Variants in TBX4 observed in about 807,000 individuals in gnomAD.
The protein encoded by TBX4 is T-box transcription factor TBX4.
In TBX4, 13 loss-of-function variants were observed where a neutral mutation model predicts 54.6. The ratio of observed to expected loss-of-function variants is 0.24; its 90% CI spans 0.15 to 0.38. The LOEUF (loss-of-function observed/expected upper bound fraction) is 0.38. Ranked by LOEUF, TBX4 falls within the 10% of genes least tolerant of loss-of-function variation. TBX4 has a pLI of 1.00. For missense variants in TBX4, 631 were observed against 728.5 expected (o/e 0.87, Z 1.54); for synonymous variants, 314 against 306.7 (o/e 1.02, Z -0.25).
chr17:61,484,379 A>G lies in TBX4; in HGVS notation c.*863A>G, dbSNP rs3744435. 0.19 allele frequency: 28,200 copies of G among 151,932 alleles called. 2,832 individuals are homozygous for G. The highest frequency in any genetic ancestry group is 0.25 in the Middle Eastern group (73 of 294). The allele number at this position is 151,932 out of a possible 1,614,324, so 9.4% of individuals were successfully genotyped here. On this transcript the variant is annotated 3_prime_UTR_variant, in exon 9 of 9. Coordinates refer to ENST00000644296, the MANE Select transcript of TBX4 (RefSeq NM_001321120.2). The surrounding 1 kb of genome is among the most constrained non-coding windows in gnomAD (Gnocchi z 4.1). ...GAGTCAGCCTCCCAGGCACCATACC[A>G]TCTGCATCCTATGATGATGGGCAAT...
rs1043118016 is a variant in TBX4, at chr17:61,479,297, C to T, written c.702+518C>T. On this transcript the variant is annotated intron_variant, in intron 6 of 8. Transcript: ENST00000644296. This position sits in a 1 kb window ranked among gnomAD's most constrained non-coding sequence, Gnocchi z 6.1. Reference sequence around the variant, plus strand: ...CCAGCCCGGCCACCCCCACTGCATCCCAGTCACTGACAGCCGTGCTCTGCC... The same window carrying T: ...CCAGCCCGGCCACCCCCACTGCATCTCAGTCACTGACAGCCGTGCTCTGCC... Among the ~76,000 whole-genome samples the T allele has an allele frequency of 2.6e-5, 4 of 152,158 alleles. No individual in the cohort carries two copies. Among genetic ancestry groups the T allele is most frequent in the Admixed American group, 2.0e-4 (3 of 15,290 alleles).
rs2060673694 is a variant in TBX4 at position 61,482,802 on chromosome 17, G to C, written c.1022-95G>C. ...TGGCAACATGGGGAGGGCGGGCGCA[G>C]AGGGACAAGGACAGGCTGTCCCAGC... On this transcript the variant is annotated intron_variant, in intron 8 of 8. Coordinates refer to ENST00000644296, the MANE Select transcript of TBX4 (RefSeq NM_001321120.2). 3 of 1,568,726 alleles carry C rather than the reference G, an allele frequency of 1.9e-6. No individual in the cohort carries two copies. In the Admixed American group the frequency reaches 5.2e-5, roughly 27 times the overall value.
rs540936006 is a variant in TBX4 at position 61,480,400 on chromosome 17, C to T, written c.1021+81C>T. ...CCCGAAACCACTCTGCAGCGCCCCC[C>T]CCCCCAACACACACACACTCATCTC... On this transcript the variant is annotated intron_variant, in intron 8 of 8. Coordinates refer to ENST00000644296, the MANE Select transcript of TBX4 (RefSeq NM_001321120.2). This position sits in a 1 kb window ranked among gnomAD's most constrained non-coding sequence, Gnocchi z 6.2. The T allele has an allele frequency of 7.1e-6, 8 of 1,132,038 alleles. No homozygotes were observed. The highest frequency in any genetic ancestry group is 1.3e-5 in the South Asian group (1 of 75,354). The allele number at this position is 1,132,038 out of a possible 1,614,324, so 70.1% of individuals were successfully genotyped here.
chr17:61,467,385 C>A, intron 4 of TBX4, 125 bp from the exon 5 acceptor site: 1 of 1,088,866 alleles, frequency 9.2e-7, no homozygotes, highest in Non-Finnish European at 1.4e-6. Flanking sequence ...ACTAATTTGA[C>A]AATGTGGTGG....
In TBX4 at chr17:61,483,106, C is replaced by T. The variant is rs778744732; in HGVS notation, c.1231C>T (p.Leu411=). The T allele has an allele frequency of 6.2e-6, 10 of 1,614,138 alleles. No homozygotes were observed. In the South Asian group the frequency reaches 9.9e-5, roughly 16 times the overall value. The change falls in exon 9 of 9, where the codon CTG becomes TTG. Residue 411 remains leucine, a synonymous_variant. Transcript: ENST00000644296. The surrounding 1 kb of genome is among the most constrained non-coding windows in gnomAD (Gnocchi z 6.6). ...EIAGVSGVDD[L]PPPPLSCNMW... The stretch of plus-strand genomic sequence containing the variant: ...TGCCGGGGTGTCTGGGGTGGACGAC[C>T]TGCCCCCACCTCCGCTGAGCTGTAA...
Position 61,465,759 on chromosome 17 carries a change from C to T in TBX4, c.282-60C>T, listed in dbSNP as rs1488129196. 1 of 1,609,924 alleles carries T rather than the reference C, an allele frequency of 6.2e-7. No individual in the cohort carries two copies. ...GCGGCCTTCTGCCCCCTTGCTCACTCTGTTCCATCTCTCCTGGTGCTCTGT... is the reference window on the plus strand; with the variant it reads ...GCGGCCTTCTGCCCCCTTGCTCACTTTGTTCCATCTCTCCTGGTGCTCTGT... On this transcript the variant is annotated intron_variant, in intron 3 of 8. Transcript: ENST00000644296. This position sits in a 1 kb window ranked among gnomAD's most constrained non-coding sequence, Gnocchi z 4.9.
chr17:61,456,600 C>T lies in TBX4; in HGVS notation c.110C>T (p.Pro37Leu), dbSNP rs886053187. 4 of 1,503,532 alleles carry T rather than the reference C, an allele frequency of 2.7e-6. No homozygotes were observed. In the East Asian group the frequency reaches 7.9e-5, roughly 30 times the overall value. 93.1% of individuals were successfully genotyped at this position (1,503,532 alleles called of 1,614,324 possible). ...GCCCCCGAGCCCGCGCTGGCAGCGC[C>T]GGGCCTCAGCGGAGCCGCGCTAGGC... ...ANAPEPALAA[P>L]GLSGAALGSP... The change falls in exon 2 of 9, where the codon CCG (proline) becomes CTG (leucine). Residue 37 changes from proline (P) to leucine (L), a missense_variant. Pro to Leu is a moderately conservative substitution (Grantham distance 98). Coordinates refer to ENST00000644296, the MANE Select transcript of TBX4 (RefSeq NM_001321120.2).
At position 61,484,081 on chromosome 17, in the gene TBX4, C is replaced by A. The variant is rs2060686759; in HGVS notation, c.*565C>A. Reference sequence around the variant, plus strand: ...GAGACTGCCTGAGAGGTGGGCTCAGCTAAGCCACAATGTGTACTTTGATAG... The same window carrying A: ...GAGACTGCCTGAGAGGTGGGCTCAGATAAGCCACAATGTGTACTTTGATAG... On this transcript the variant is annotated 3_prime_UTR_variant, in exon 9 of 9. Transcript: ENST00000644296. The surrounding 1 kb of genome is among the most constrained non-coding windows in gnomAD (Gnocchi z 4.1). The A allele has an allele frequency of 6.2e-6, 1 of 160,636 alleles. No homozygotes were observed. Among genetic ancestry groups the A allele is most frequent in the African/African-American group, 2.4e-5 (1 of 41,528 alleles). The allele number at this position is 160,636 out of a possible 1,614,324, so 10.0% of individuals were successfully genotyped here.
At position 61,478,839 on chromosome 17, in the gene TBX4, A is replaced by G; in HGVS notation, c.702+60A>G. ...TTAACACCACCCTGCGTTCTCTTCC[A>G]CCAGGCAGAGAGGCAGAGTGTGAAG... On this transcript the variant is annotated intron_variant, in intron 6 of 8. Coordinates refer to ENST00000644296, the MANE Select transcript of TBX4 (RefSeq NM_001321120.2). The surrounding 1 kb of genome is among the most constrained non-coding windows in gnomAD (Gnocchi z 7.4). 1 of 1,611,226 alleles carries G rather than the reference A, an allele frequency of 6.2e-7. No individual in the cohort carries two copies. Among genetic ancestry groups the G allele is most frequent in the Non-Finnish European group, 8.5e-7 (1 of 1,177,530 alleles).
intron 4 of TBX4, among the ~76,000 whole-genome samples, chr17:61,466,658 G>A (rs1246777074): frequency 6.6e-6 from 1 of 152,208 alleles, no homozygotes; most frequent in South Asian, 2.1e-4. Flanking sequence ...AGATTGGGCC[G>A]AGCAGGCAGG....
chr17:61,456,312 C>T (rs1035595179), intron 1 of TBX4, 176 bp from the exon 2 acceptor site: 8 of 764,104 alleles, frequency 1.0e-5, no homozygotes, highest in South Asian at 4.8e-5. Flanking sequence ...AGGGAGGAGG[C>T]GAGGGACCTG....
chr17:61,473,793 A>G (rs1288668346), intron 5 of TBX4, among the ~76,000 whole-genome samples: 1 of 152,204 alleles, frequency 6.6e-6, no homozygotes, highest in African/African-American at 2.4e-5. Flanking sequence ...TGTAAAGATT[A>G]ATTTTATGGT....
Position 61,478,585 on chromosome 17 carries a change from G to A in TBX4, c.550-42G>A, listed in dbSNP as rs3744440. 668 of 1,614,032 alleles carry A rather than the reference G, an allele frequency of 4.1e-4. 11 individuals carry two copies. The East Asian group carries it at 0.014, about 34-fold the overall frequency. On this transcript the variant is annotated intron_variant, in intron 5 of 8. Transcript: ENST00000644296. The surrounding 1 kb of genome is among the most constrained non-coding windows in gnomAD (Gnocchi z 7.4). The stretch of plus-strand genomic sequence containing the variant: ...ATGAGGTCAAGGGCCTGGGGCTTGC[G>A]GATGGGGACCTGGAGCTCAGCATGA...
intron 5 of TBX4, among the ~76,000 whole-genome samples, chr17:61,468,312 C>T (rs1479758544): frequency 6.6e-6 from 1 of 152,260 alleles, no homozygotes; most frequent in Non-Finnish European, 1.5e-5. Context: ...CTTTCCCCAT[C>T]TGGCCCTGGA....
chr17:61,453,756 A>AGAAT (rs1327657561), intron 1 of TBX4, among the ~76,000 whole-genome samples: 3 of 152,262 alleles, frequency 2.0e-5, no homozygotes, highest in African/African-American at 7.2e-5. Flanking sequence ...GGTGTGTTGA[A>AGAAT]GAATAATACC....
At position 61,465,685 on chromosome 17, in the gene TBX4, C is replaced by G; in HGVS notation, c.282-134C>G. 8.5e-7 allele frequency: 1 copy of G among 1,182,630 alleles called. No individual in the cohort carries two copies. The highest frequency in any genetic ancestry group is 1.7e-5 in the Admixed American group (1 of 58,320). The allele number at this position is 1,182,630 out of a possible 1,614,324, so 73.3% of individuals were successfully genotyped here. A position where few individuals can be genotyped will look rare whatever the true frequency, so the allele number is the denominator to read the frequency against. ...GGGGAAGTGAGTTGTGCAGGTCACA[C>G]AGCTGTGACCAATGCCAGGATCGCT... On this transcript the variant is annotated intron_variant, in intron 3 of 8. Transcript: ENST00000644296. This position sits in a 1 kb window ranked among gnomAD's most constrained non-coding sequence, Gnocchi z 4.9.
At position 61,465,716 on chromosome 17, in the gene TBX4, AAAG is replaced by A. The variant is rs386798207; in HGVS notation, c.282-102_282-100del. 3.1e-3 allele frequency: 4,738 copies of A among 1,506,388 alleles called. 133 individuals carry two copies. In the African/African-American group the frequency reaches 0.056, roughly 18 times the overall value. 93.3% of individuals were successfully genotyped at this position (1,506,388 alleles called of 1,614,324 possible). The stretch of plus-strand genomic sequence containing the variant: ...TGACCAATGCCAGGATCGCTGGCCA[AAAG>A]GGCAGCATCTGTTAGCGGCCTTCTG... On this transcript the variant is annotated intron_variant, in intron 3 of 8. Coordinates refer to ENST00000644296, the MANE Select transcript of TBX4 (RefSeq NM_001321120.2). This position sits in a 1 kb window ranked among gnomAD's most constrained non-coding sequence, Gnocchi z 4.9.
At chr17:61,452,859 A>C (rs1458661016) in intron 1 of TBX4, 1 of 927,700 alleles carries the variant, frequency 1.1e-6, no homozygotes, top group Non-Finnish European at 1.3e-6. Context: ...GCATAGAAAT[A>C]TCGACAGCGC....
rs1247219936 is a variant in TBX4, at chr17:61,484,602, C to T, written c.*1086C>T. ...AGCTCAGAGGAGCAAAGAGAATTCT[C>T]CAGTGTGGCGCTCACAAAGTCCTCA... On this transcript the variant is annotated 3_prime_UTR_variant, in exon 9 of 9. Coordinates refer to ENST00000644296, the MANE Select transcript of TBX4 (RefSeq NM_001321120.2). This position sits in a 1 kb window ranked among gnomAD's most constrained non-coding sequence, Gnocchi z 4.1. The T allele has an allele frequency of 1.3e-5, 2 of 152,114 alleles. No homozygotes were observed. Among genetic ancestry groups the T allele is most frequent in the Non-Finnish European group, 2.9e-5 (2 of 68,026 alleles). 9.4% of individuals were successfully genotyped at this position (152,114 alleles called of 1,614,324 possible).
Sources: allele counts gnomAD v4.1 joint callset (sites outside exome capture counted in the v4.1 genomes callset), GRCh38; gene constraint gnomAD v4.1.1; non-coding constraint Gnocchi (gnomAD v3.1); transcripts MANE v1.5; gene names NCBI Gene and HGNC (gene_info 2026-07-23, HGNC 2026-07-21).